Variants in DCHS2 observed in about 807,000 individuals in gnomAD.
DCHS2 encodes the protein protocadherin-23.
In DCHS2, 142 loss-of-function variants were observed where a neutral mutation model predicts 182.4. The ratio of observed to expected loss-of-function variants is 0.78; its 90% CI spans 0.68 to 0.89. DCHS2 has a LOEUF of 0.89. Ranked by LOEUF, DCHS2 falls within the 40% of genes least tolerant of loss-of-function variation. The pLI, the probability that DCHS2 is intolerant of heterozygous loss-of-function variation, is 0.00. For synonymous variants in DCHS2, 1,740 were observed against 1,663.3 expected (o/e 1.05, Z -1.12); for missense variants, 4,319 against 4,198.6 (o/e 1.03, Z -0.79).
chr4:154,462,993 C>A (rs1025215435), intron 1 of DCHS2, among the ~76,000 whole-genome samples: 1 of 151,786 alleles, frequency 6.6e-6, no homozygotes, highest in Non-Finnish European at 1.5e-5. Context: ...CAAAGATGAA[C>A]CATGAAAAAG....
chr4:154,391,509 G>T (rs73854733), intron 1 of DCHS2, among the ~76,000 whole-genome samples: 1 of 152,152 alleles, frequency 6.6e-6, no homozygotes, highest in Non-Finnish European at 1.5e-5. Context: ...AAGAGGAAGA[G>T]TTAAAAAGAC....
At chr4:154,295,513 G>A (rs1388072) in intron 13 of DCHS2, among the ~76,000 whole-genome samples, 151,139 of 152,322 alleles carry the variant, frequency 0.99, 74,988 homozygotes, top group Middle Eastern at 1. Flanking sequence ...GGAAAGTATC[G>A]TTCTTATCTG....
chr4:154,458,890 C>A (rs1350300706), intron 1 of DCHS2, among the ~76,000 whole-genome samples: 1 of 152,116 alleles, frequency 6.6e-6, no homozygotes, highest in Non-Finnish European at 1.5e-5. Flanking sequence ...GCATACACAG[C>A]AGAGTTAATC....
rs1044045709 is a variant in DCHS2 at position 154,473,575 on chromosome 4, A to G, written c.2052+15729T>C. ...ACAAATGTAGTGGATACAGCCCTAG[A>G]AGGGTTATGGTATTCAGGTGTTTGA... On this transcript the variant is annotated intron_variant, in intron 1 of 19. Transcript: ENST00000357232. 2.0e-5 allele frequency among the ~76,000 whole-genome samples: 3 copies of G among 152,132 alleles called. No individual in the cohort carries two copies. The East Asian group carries it at 5.8e-4, about 29-fold the overall frequency.
chr4:154,335,961 G>T (rs1490789894), intron 3 of DCHS2, among the ~76,000 whole-genome samples: 1 of 152,136 alleles, frequency 6.6e-6, no homozygotes, highest in Non-Finnish European at 1.5e-5. Context: ...GCAGGCTAGC[G>T]CAGGGTTGTA....
At chr4:154,437,930 G>A (rs928513160) in intron 1 of DCHS2, among the ~76,000 whole-genome samples, 23 of 152,140 alleles carry the variant, frequency 1.5e-4, no homozygotes, top group Admixed American at 1.1e-3. Flanking sequence ...CCAACACTTC[G>A]GAAGGCCAAG....
intron 1 of DCHS2, among the ~76,000 whole-genome samples, chr4:154,412,543 C>T (rs186692514): frequency 3.9e-5 from 6 of 152,004 alleles, no homozygotes; most frequent in African/African-American, 9.7e-5. Context: ...CCATAATATA[C>T]GCAAAACTGA....
At position 154,232,307 on chromosome 4, in the gene DCHS2, C is replaced by T. The variant is rs1731234118; in HGVS notation, c.*2229G>A. ...TAACCAGCGTGTTCACATTTTTAACCCCATTCCCACTTGTAGTACTTGTTT... is the reference window on the plus strand; with the variant it reads ...TAACCAGCGTGTTCACATTTTTAACTCCATTCCCACTTGTAGTACTTGTTT... On this transcript the variant is annotated 3_prime_UTR_variant, in exon 20 of 20. Coordinates refer to ENST00000357232, the MANE Select transcript of DCHS2 (RefSeq NM_001358235.2). 1 of 152,090 alleles carries T rather than the reference C, an allele frequency of 6.6e-6. No individual in the cohort carries two copies. 9.4% of individuals were successfully genotyped at this position (152,090 alleles called of 1,614,324 possible). A position where few individuals can be genotyped will look rare whatever the true frequency, so the allele number is the denominator to read the frequency against.
At chr4:154,383,780 C>T (rs868359270) in intron 1 of DCHS2, among the ~76,000 whole-genome samples, 2 of 151,968 alleles carry the variant, frequency 1.3e-5, no homozygotes. Flanking sequence ...CATAATTCCT[C>T]TGTCTACTCC....
At chr4:154,245,539 T>C (rs1472331449) in intron 16 of DCHS2, among the ~76,000 whole-genome samples, 1 of 152,048 alleles carries the variant, frequency 6.6e-6, no homozygotes, top group Non-Finnish European at 1.5e-5. Context: ...AGGAATTTTC[T>C]AATCCTTCTG....
At chr4:154,267,229 G>A (rs10010151) in intron 14 of DCHS2, among the ~76,000 whole-genome samples, 58,026 of 152,046 alleles carry the variant, frequency 0.38, 11,331 homozygotes, top group East Asian at 0.51. Context: ...TACCAGGCAG[G>A]TGTGTGACCT....
chr4:154,353,256 A>C (rs898782502), intron 3 of DCHS2, among the ~76,000 whole-genome samples: 8 of 152,170 alleles, frequency 5.3e-5, no homozygotes, highest in Non-Finnish European at 1.2e-4. Context: ...TCACCCAAGG[A>C]TTCAAAGAAT....
At chr4:154,489,259 C>T (rs1728699113) in intron 1 of DCHS2, 45 bp downstream of exon 1, 4 of 1,424,968 alleles carry the variant, frequency 2.8e-6, no homozygotes, top group Non-Finnish European at 3.7e-6. Context: ...CCCTCTCCAT[C>T]CCTTCCCAAG....
chr4:154,367,648 A>G (rs114213431), intron 2 of DCHS2, among the ~76,000 whole-genome samples: 236 of 152,304 alleles, frequency 1.5e-3, no homozygotes, highest in Admixed American at 0.01. Flanking sequence ...TGACACTTTC[A>G]TCTTTGACAA....
chr4:154,416,299 C>G (rs1732829872), intron 1 of DCHS2, among the ~76,000 whole-genome samples: 1 of 152,200 alleles, frequency 6.6e-6, no homozygotes, highest in African/African-American at 2.4e-5. Flanking sequence ...TGCATCAGCC[C>G]CGTCTTCTAT....
intron 1 of DCHS2, among the ~76,000 whole-genome samples, chr4:154,410,754 C>T (rs1031515688): frequency 2.0e-5 from 3 of 152,066 alleles, no homozygotes; most frequent in African/African-American, 4.8e-5. Context: ...GAGATACAGA[C>T]ATTGACATCC....
chr4:154,334,975 G>A lies in DCHS2; in HGVS notation c.2606C>T (p.Thr869Ile), dbSNP rs1296574928. 8 of 1,614,058 alleles carry A rather than the reference G, an allele frequency of 5.0e-6. No individual in the cohort carries two copies. The South Asian group carries it at 7.7e-5, about 16-fold the overall frequency. ...NADVTIHIFQ[T>I]TLAPAEFERP... ...TTCAAACTCAGCAGGTGCCAGAGTT[G>A]TCTGGAAAATGTGTATGGTGACATC... is the stretch of plus-strand genomic sequence containing the variant. The change falls in exon 4 of 20, where the codon ACA (threonine) becomes ATA (isoleucine). Residue 869 changes from threonine to isoleucine, a missense_variant. Physicochemically the swap from Thr to Ile is moderately conservative, Grantham distance 89. Coordinates refer to ENST00000357232, the MANE Select transcript of DCHS2 (RefSeq NM_001358235.2).
intron 2 of DCHS2, among the ~76,000 whole-genome samples, chr4:154,367,637 T>C (rs73854721): frequency 0.014 from 2,120 of 152,318 alleles, 48 homozygotes; most frequent in African/African-American, 0.048. Flanking sequence ...CTGGTACATT[T>C]TGACACTTTC....
In DCHS2 at chr4:154,280,365, T is replaced by A. The variant is rs149585969; in HGVS notation, c.6464-10352A>T. Among the ~76,000 whole-genome samples the A allele has an allele frequency of 2.2e-3, 338 of 152,268 alleles. 12 individuals carry two copies. In the East Asian group the frequency reaches 0.058, roughly 26 times the overall value. ...TGAAGAGGAGAGAATACTTTGAAACTCATATTATGAGGCCAGCATTATTCT... is the reference window on the plus strand; with the variant it reads ...TGAAGAGGAGAGAATACTTTGAAACACATATTATGAGGCCAGCATTATTCT... On this transcript the variant is annotated intron_variant, in intron 13 of 19. Transcript: ENST00000357232.
Sources: allele counts gnomAD v4.1 joint callset (sites outside exome capture counted in the v4.1 genomes callset), GRCh38; gene constraint gnomAD v4.1.1; transcripts MANE v1.5; gene names NCBI Gene and HGNC (gene_info 2026-07-23, HGNC 2026-07-21).